MMD2: variants seen among roughly 807,000 people sequenced by gnomAD.
MMD2 encodes the protein monocyte to macrophage differentiation factor 2.
Under a neutral mutation model 33.5 loss-of-function variants are expected in MMD2, and 30 were observed. That is an observed-to-expected ratio of 0.90 (90% confidence interval 0.67 to 1.22). The LOEUF is 1.22. Among genes scored for constraint, MMD2 ranks in the 50% most tolerant of loss-of-function variants. MMD2 has a pLI of 0.00. For missense variants in MMD2, 364 were observed against 325.4 expected (o/e 1.12, Z -0.91); for synonymous variants, 129 against 123.0 (o/e 1.05, Z -0.32).
At chr7:4,937,540 G>A (rs951940523) in intron 1 of MMD2, among the ~76,000 whole-genome samples, 51 of 152,054 alleles carry the variant, frequency 3.4e-4, no homozygotes, top group African/African-American at 1.1e-3. Context: ...ACAGGTTCTC[G>A]CCCTGTCATT....
At chr7:4,934,226 G>T (rs558973346) in intron 1 of MMD2, among the ~76,000 whole-genome samples, 1 of 151,956 alleles carries the variant, frequency 6.6e-6, no homozygotes. Flanking sequence ...CACTATGCCC[G>T]GCCCACAATG....
chr7:4,910,246 C>T (rs1349513014), intron 5 of MMD2, among the ~76,000 whole-genome samples: 1 of 152,156 alleles, frequency 6.6e-6, no homozygotes, highest in African/African-American at 2.4e-5. Flanking sequence ...CACATGGGCA[C>T]TTCCGATGCT....
chr7:4,936,667 G>A (rs1301700149), intron 1 of MMD2, among the ~76,000 whole-genome samples: 2 of 151,774 alleles, frequency 1.3e-5, no homozygotes, highest in Non-Finnish European at 2.9e-5. Context: ...AGCTGGAATT[G>A]CAGGCATGAG....
At chr7:4,896,947 C>T in the MMD2 span, among the ~76,000 whole-genome samples, 3 of 152,054 alleles carry the variant, frequency 2.0e-5, no homozygotes, top group African/African-American at 7.2e-5. Context: ...GCAACCTCCA[C>T]CTCCCGGGTT....
At chr7:4,935,910 C>A (rs1402469139) in intron 1 of MMD2, among the ~76,000 whole-genome samples, 1 of 151,888 alleles carries the variant, frequency 6.6e-6, no homozygotes, top group African/African-American at 2.4e-5. Flanking sequence ...TTGGGCCGGG[C>A]GCGATGGCTC....
chr7:4,928,195 C>T (rs765316194), intron 1 of MMD2, among the ~76,000 whole-genome samples: 3 of 152,168 alleles, frequency 2.0e-5, no homozygotes, highest in African/African-American at 4.8e-5. Context: ...CCCTCAGGTC[C>T]GATGGTTACT....
downstream of MMD2, among the ~76,000 whole-genome samples, chr7:4,903,735 C>T (rs528937665): frequency 1.2e-3 from 181 of 152,364 alleles, no homozygotes; most frequent in African/African-American, 4.1e-3. Context: ...TGCCTTCACT[C>T]ATCCTGCCCT....
the MMD2 span, among the ~76,000 whole-genome samples, chr7:4,893,821 C>T: frequency 3.9e-5 from 6 of 152,130 alleles, no homozygotes; most frequent in African/African-American, 7.2e-5. Flanking sequence ...TTGACATTGC[C>T]GTGGCATTTG....
chr7:4,929,455 C>CGAGG (rs1562485729), intron 1 of MMD2, among the ~76,000 whole-genome samples: 5 of 152,122 alleles, frequency 3.3e-5, no homozygotes, highest in African/African-American at 1.2e-4. Context: ...CCACCTTCCT[C>CGAGG]AAGGTGGGCC....
At chr7:4,913,787 G>A (rs970753834) in intron 4 of MMD2, among the ~76,000 whole-genome samples, 5 of 145,084 alleles carry the variant, frequency 3.4e-5, no homozygotes, top group African/African-American at 7.7e-5. Flanking sequence ...TTAGCCTCCC[G>A]AGTAGTTGGG....
the MMD2 span, among the ~76,000 whole-genome samples, chr7:4,899,260 T>C: frequency 6.6e-6 from 1 of 152,194 alleles, no homozygotes; most frequent in Admixed American, 6.5e-5. Context: ...CCACCCAGTC[T>C]ATGGTATTTT....
intron 1 of MMD2, among the ~76,000 whole-genome samples, chr7:4,930,658 G>GAC (rs1562486398): frequency 6.9e-6 from 1 of 144,486 alleles, no homozygotes. Flanking sequence ...AAAAAAAAGA[G>GAC]GAAAGAGACA....
rs1004345486 is a variant in MMD2 at position 4,907,338 on chromosome 7, G to A, written c.*58C>T. ...CCTTGGCGCTGTGCTCTGGGTTAAC[G>A]TTCACAGAAACGTGCTCCACTCCTA... On this transcript the variant is annotated 3_prime_UTR_variant, in exon 7 of 7. Transcript: ENST00000401401. 150 of 1,556,720 alleles carry A rather than the reference G, an allele frequency of 9.6e-5. No individual in the cohort carries two copies. The highest frequency in any genetic ancestry group is 8.6e-4 in the Middle Eastern group (4 of 4,650).
intron 1 of MMD2, among the ~76,000 whole-genome samples, chr7:4,933,515 G>T (rs1294733351): frequency 6.6e-6 from 1 of 152,068 alleles, no homozygotes; most frequent in Non-Finnish European, 1.5e-5. Context: ...TTGTTGTTGG[G>T]CAGGGAGCAT....
At chr7:4,904,193 A>G (rs1784830823), downstream of MMD2, among the ~76,000 whole-genome samples, 1 of 152,142 alleles carries the variant, frequency 6.6e-6, no homozygotes, top group Non-Finnish European at 1.5e-5. Flanking sequence ...TCGGCCTCCC[A>G]AAGTGCTGGA....
chr7:4,906,350 A>C lies in MMD2; in HGVS notation c.*1046T>G, dbSNP rs990145126. 6 of 395,746 alleles carry C rather than the reference A, an allele frequency of 1.5e-5. No homozygotes were observed. Among genetic ancestry groups the C allele is most frequent in the African/African-American group, 1.0e-4 (5 of 48,564 alleles). 24.5% of individuals were successfully genotyped at this position (395,746 alleles called of 1,614,324 possible). A position where few individuals can be genotyped will look rare whatever the true frequency, so the allele number is the denominator to read the frequency against. ...TTCAGAGGTTGGGAGGACCTGGAAC[A>C]GTCGCCCCAGATCCATGTGCCTTCT... On this transcript the variant is annotated 3_prime_UTR_variant, in exon 7 of 7. Transcript: ENST00000401401.
intron 2 of MMD2, 41 bp from the exon 3 acceptor site, chr7:4,920,372 G>A: frequency 6.3e-7 from 1 of 1,582,408 alleles, no homozygotes; most frequent in Non-Finnish European, 8.6e-7. Context: ...CAGCAGCTGG[G>A]TGGCTCAGAG....
chr7:4,935,793 A>G (rs747701327), intron 1 of MMD2, among the ~76,000 whole-genome samples: 3 of 151,908 alleles, frequency 2.0e-5, no homozygotes, highest in Non-Finnish European at 4.4e-5. Flanking sequence ...CCTGTACTTG[A>G]ATTATGTAAG....
chr7:4,916,080 C>T lies in MMD2; in HGVS notation c.291-1G>A, dbSNP rs1785135114. 1 of 1,613,466 alleles carries T rather than the reference C, an allele frequency of 6.2e-7. No individual in the cohort carries two copies. The highest frequency in any genetic ancestry group is 8.5e-7 in the Non-Finnish European group (1 of 1,179,724). On this transcript the variant is annotated splice_acceptor_variant, in intron 3 of 6. Coordinates refer to ENST00000401401, the MANE Select transcript of MMD2 (RefSeq NM_198403.4). LOFTEE classifies it high-confidence loss of function. Reference sequence around the variant, plus strand: ...CATGTGTAGACAGTGTTCCACCATCCTAGGGCGGCAGAGAAGCCGGCAGTC... The same window carrying T: ...CATGTGTAGACAGTGTTCCACCATCTTAGGGCGGCAGAGAAGCCGGCAGTC...
Sources: gnomAD v4.1 joint callset for allele counts (sites outside exome capture counted in the v4.1 genomes callset) on GRCh38, gnomAD v4.1.1 for gene constraint, MANE v1.5 for transcripts, NCBI Gene and HGNC (gene_info 2026-07-23, HGNC 2026-07-21) for gene names.